BBOX1: variants seen among roughly 807,000 people sequenced by gnomAD.
The protein encoded by BBOX1 is gamma-butyrobetaine dioxygenase.
In BBOX1, 35 loss-of-function variants were observed where a neutral mutation model predicts 41.6. The observed-to-expected ratio is 0.84, with a 90% CI of 0.64 to 1.11. BBOX1 has a LOEUF of 1.11. BBOX1 is among the 50% of genes most tolerant of loss of function. The pLI is 0.00. For missense variants in BBOX1, 458 were observed against 460.6 expected (o/e 0.99, Z 0.05); for synonymous variants, 163 against 154.7 (o/e 1.05, Z -0.40).
chr11:27,055,316 T>A (rs1017133397), intron 2 of BBOX1, 77 bp from the exon 3 acceptor site: 2 of 967,052 alleles, frequency 2.1e-6, no homozygotes, highest in Non-Finnish European at 3.1e-6. Flanking sequence ...CAGAGTCCAC[T>A]TGAAGTGTTC....
In BBOX1 at chr11:27,127,683, T is replaced by C. The variant is rs1167696508; in HGVS notation, c.*230T>C. The C allele has an allele frequency of 2.2e-6, 1 of 456,170 alleles. No homozygotes were observed. The highest frequency in any genetic ancestry group is 3.8e-6 in the Non-Finnish European group (1 of 264,370). 28.3% of individuals were successfully genotyped at this position (456,170 alleles called of 1,614,324 possible). ...CATCCTTTCTGCTCTGTTGCATGCC[T>C]GCTCTAATTTCTTTTGCCCATATAT... On this transcript the variant is annotated 3_prime_UTR_variant, in exon 9 of 9. Coordinates refer to ENST00000263182, the MANE Select transcript of BBOX1 (RefSeq NM_003986.3).
chr11:27,124,519 T>A lies in BBOX1; in HGVS notation c.837-1135T>A, dbSNP rs995876122. ...AAATAATGTGCTTTCCTTATTTATTTATTAATTTATTTTTTTGAGACAGAG... is the reference window on the plus strand; with the variant it reads ...AAATAATGTGCTTTCCTTATTTATTAATTAATTTATTTTTTTGAGACAGAG... On this transcript the variant is annotated intron_variant, in intron 7 of 8. Coordinates refer to ENST00000263182, the MANE Select transcript of BBOX1 (RefSeq NM_003986.3). Among the ~76,000 whole-genome samples, 4 of 152,134 alleles carry A rather than the reference T, an allele frequency of 2.6e-5. No individual in the cohort carries two copies. The South Asian group carries it at 8.3e-4, about 31-fold the overall frequency.
intron 4 of BBOX1, among the ~76,000 whole-genome samples, chr11:27,059,586 C>T (rs1423944853): frequency 1.3e-5 from 2 of 152,144 alleles, no homozygotes; most frequent in Non-Finnish European, 2.9e-5. Flanking sequence ...CATGCATACT[C>T]AGCATGGAAA....
At chr11:27,069,582 C>T (rs549224686) in intron 4 of BBOX1, among the ~76,000 whole-genome samples, 49 of 152,106 alleles carry the variant, frequency 3.2e-4, no homozygotes, top group African/African-American at 1.0e-3. Flanking sequence ...TGTCCAATTA[C>T]CCAAGCTATG....
At chr11:27,055,711 A>G in intron 3 of BBOX1, 62 bp downstream of exon 3, 2 of 1,438,866 alleles carry the variant, frequency 1.4e-6, no homozygotes, top group Non-Finnish European at 1.9e-6. Context: ...CTAGTCAACA[A>G]TAATTTAGAT....
intron 2 of BBOX1, among the ~76,000 whole-genome samples, chr11:27,044,977 T>C (rs1199334622): frequency 6.6e-6 from 1 of 152,220 alleles, no homozygotes; most frequent in Admixed American, 6.5e-5. Context: ...AAGTCAATTA[T>C]AGCTTGATGG....
chr11:27,060,784 T>C (rs913206663), intron 4 of BBOX1, among the ~76,000 whole-genome samples: 3 of 152,200 alleles, frequency 2.0e-5, no homozygotes, highest in African/African-American at 7.2e-5. Context: ...ATTTCTTTAG[T>C]CTCACCATTC....
chr11:27,094,418 C>G (rs1348059109), intron 5 of BBOX1, among the ~76,000 whole-genome samples: 2 of 151,922 alleles, frequency 1.3e-5, no homozygotes, highest in African/African-American at 4.8e-5. Context: ...TTTGGTTTGG[C>G]CCACATGATG....
chr11:27,085,453 T>A (rs7128424), intron 4 of BBOX1, among the ~76,000 whole-genome samples: 1 of 152,040 alleles, frequency 6.6e-6, no homozygotes, highest in African/African-American at 2.4e-5. Context: ...TTGAGCTTAC[T>A]ACTGTAATTT....
chr11:27,092,348 C>T lies in BBOX1; in HGVS notation c.335-820C>T, dbSNP rs780715482. Among the ~76,000 whole-genome samples, 84 of 152,024 alleles carry T rather than the reference C, an allele frequency of 5.5e-4. 1 individual carries two copies. Among genetic ancestry groups the T allele is most frequent in the Non-Finnish European group, 2.8e-4 (19 of 67,898 alleles). On this transcript the variant is annotated intron_variant, in intron 4 of 8. Coordinates refer to ENST00000263182, the MANE Select transcript of BBOX1 (RefSeq NM_003986.3). ...CTTACCAAGGAAGGAAGAAATCAAA[C>T]GGATCAGCTAGAGTCAGGCTTTTCC... is the stretch of plus-strand genomic sequence containing the variant.
intron 4 of BBOX1, among the ~76,000 whole-genome samples, chr11:27,078,622 T>C (rs1377874608): frequency 2.6e-5 from 4 of 151,964 alleles, no homozygotes; most frequent in Admixed American, 6.6e-5. Flanking sequence ...TAAGTGGGAG[T>C]TGAACAAGAA....
At position 27,095,388 on chromosome 11, in the gene BBOX1, T is replaced by C. The variant is rs749346229; in HGVS notation, c.533+2022T>C. ...TGATTTATTACGTGTGTTGTTTTGT[T>C]TTTGCAGGTCCTATAAAAGGGCTTA... On this transcript the variant is annotated intron_variant, in intron 5 of 8. Coordinates refer to ENST00000263182, the MANE Select transcript of BBOX1 (RefSeq NM_003986.3). 6.5e-4 allele frequency among the ~76,000 whole-genome samples: 99 copies of C among 152,030 alleles called. 1 individual carries two copies. Among genetic ancestry groups the C allele is most frequent in the South Asian group, 2.1e-3 (10 of 4,814 alleles).
chr11:27,068,420 GT>G (rs1431293648), intron 4 of BBOX1, among the ~76,000 whole-genome samples: 1 of 151,890 alleles, frequency 6.6e-6, no homozygotes, highest in Non-Finnish European at 1.5e-5. Flanking sequence ...TGATGGGGTT[GT>G]TTTTTTCTTG....
At chr11:27,106,155 C>A (rs996767373) in intron 5 of BBOX1, among the ~76,000 whole-genome samples, 3 of 151,994 alleles carry the variant, frequency 2.0e-5, no homozygotes, top group African/African-American at 7.2e-5. Context: ...TTGTAAAGAC[C>A]ATCGATGTTA....
chr11:27,115,304 C>G, intron 5 of BBOX1, 148 bp from the exon 6 acceptor site: 1 of 596,028 alleles, frequency 1.7e-6, no homozygotes, highest in Non-Finnish European at 2.8e-6. Flanking sequence ...AGAGAAAGGT[C>G]AGATTCCTTG....
At chr11:27,070,118 T>C (rs1023423637) in intron 4 of BBOX1, among the ~76,000 whole-genome samples, 2 of 152,174 alleles carry the variant, frequency 1.3e-5, no homozygotes, top group African/African-American at 4.8e-5. Flanking sequence ...TTCCACTGTG[T>C]TCTGAGAGGG....
At chr11:27,060,041 T>A (rs909101977) in intron 4 of BBOX1, among the ~76,000 whole-genome samples, 2 of 152,122 alleles carry the variant, frequency 1.3e-5, no homozygotes, top group African/African-American at 4.8e-5. Flanking sequence ...ATGTGAGAAG[T>A]ACATGAGATT....
At chr11:27,088,896 A>T (rs1858136977) in intron 4 of BBOX1, among the ~76,000 whole-genome samples, 1 of 151,990 alleles carries the variant, frequency 6.6e-6, no homozygotes, top group African/African-American at 2.4e-5. Flanking sequence ...ACTGTGCCTG[A>T]CCTATTCAGC....
At chr11:27,112,210 G>T (rs542498935) in intron 5 of BBOX1, among the ~76,000 whole-genome samples, 50 of 152,014 alleles carry the variant, frequency 3.3e-4, no homozygotes, top group African/African-American at 1.1e-3. Flanking sequence ...AAGATTAATA[G>T]ACTTAAAGCA....
Sources: allele counts gnomAD v4.1 joint callset (sites outside exome capture counted in the v4.1 genomes callset), GRCh38; gene constraint gnomAD v4.1.1; transcripts MANE v1.5; gene names NCBI Gene and HGNC (gene_info 2026-07-23, HGNC 2026-07-21).